EPHA6: variants seen among roughly 807,000 people sequenced by gnomAD.
The protein encoded by EPHA6 is ephrin type-A receptor 6.
A neutral mutation model predicts 112.0 loss-of-function variants in EPHA6; 50 were observed. That is an observed-to-expected ratio of 0.45 (90% CI 0.36 to 0.56). EPHA6 has a LOEUF of 0.56. Ranked by LOEUF, EPHA6 falls within the 20% of genes least tolerant of loss-of-function variation. The pLI, the probability that EPHA6 is intolerant of heterozygous loss-of-function variation, is 0.00. For synonymous variants in EPHA6, 529 were observed against 490.7 expected (o/e 1.08, Z -1.03); for missense variants, 1,280 against 1,417.4 (o/e 0.90, Z 1.56).
intron 4 of EPHA6, among the ~76,000 whole-genome samples, chr3:97,243,114 A>T (rs949370791): frequency 2.0e-5 from 3 of 151,856 alleles, no homozygotes; most frequent in Non-Finnish European, 4.4e-5. Context: ...ACACGGTGTG[A>T]TCTTTGTGGA....
chr3:97,151,629 G>A (rs113677369), intron 3 of EPHA6, among the ~76,000 whole-genome samples: 1,984 of 151,830 alleles, frequency 0.013, 27 homozygotes, highest in African/African-American at 0.045. Context: ...TTAATAACTA[G>A]GTAAAGAATA....
At chr3:97,604,330 T>C (rs1169798503) in intron 12 of EPHA6, among the ~76,000 whole-genome samples, 1 of 151,584 alleles carries the variant, frequency 6.6e-6, no homozygotes, top group Non-Finnish European at 1.5e-5. Flanking sequence ...AAATATAGAG[T>C]AACCAATCAT....
At chr3:97,105,465 G>A (rs1284057202) in intron 3 of EPHA6, among the ~76,000 whole-genome samples, 1 of 152,070 alleles carries the variant, frequency 6.6e-6, no homozygotes, top group African/African-American at 2.4e-5. Context: ...ATGGTTTTGA[G>A]CAATTGTTTA....
At chr3:96,932,330 T>C (rs958015395) in intron 2 of EPHA6, among the ~76,000 whole-genome samples, 1 of 152,208 alleles carries the variant, frequency 6.6e-6, no homozygotes, top group African/African-American at 2.4e-5. Context: ...TCATTCAACT[T>C]TTTATCCTTT....
At chr3:97,614,787 C>T (rs1186391234) in intron 13 of EPHA6, among the ~76,000 whole-genome samples, 1 of 152,000 alleles carries the variant, frequency 6.6e-6, no homozygotes, top group Non-Finnish European at 1.5e-5. Flanking sequence ...TCAAAATATG[C>T]TCAGGGAAAG....
At chr3:96,825,776 C>T (rs1054150975) in intron 1 of EPHA6, among the ~76,000 whole-genome samples, 2 of 151,788 alleles carry the variant, frequency 1.3e-5, no homozygotes, top group African/African-American at 4.8e-5. Flanking sequence ...TGTCAAAAGG[C>T]AGTGAAAACT....
At chr3:96,843,580 T>C (rs953371385) in intron 1 of EPHA6, among the ~76,000 whole-genome samples, 5 of 151,964 alleles carry the variant, frequency 3.3e-5, no homozygotes, top group African/African-American at 9.7e-5. Flanking sequence ...AGTAATGAAG[T>C]TGGATGTGAG....
chr3:97,422,146 A>G (rs1577339606), intron 6 of EPHA6, among the ~76,000 whole-genome samples: 1 of 148,762 alleles, frequency 6.7e-6, no homozygotes. Context: ...TCAAAAAAAA[A>G]AAAAAAAAAA....
intron 14 of EPHA6, among the ~76,000 whole-genome samples, chr3:97,698,217 G>T (rs1033424285): frequency 6.6e-6 from 1 of 152,112 alleles, no homozygotes; most frequent in Non-Finnish European, 1.5e-5. Flanking sequence ...GGTCAGGCTG[G>T]TCTGGAACTC....
At chr3:97,686,377 C>T (rs1184441147) in intron 14 of EPHA6, among the ~76,000 whole-genome samples, 3 of 151,918 alleles carry the variant, frequency 2.0e-5, no homozygotes, top group Non-Finnish European at 4.4e-5. Flanking sequence ...TATTGCATTC[C>T]TGGTAGATGG....
At chr3:97,365,354 A>G (rs2084655211) in intron 5 of EPHA6, among the ~76,000 whole-genome samples, 1 of 152,100 alleles carries the variant, frequency 6.6e-6, no homozygotes. Flanking sequence ...AGACATCATT[A>G]GCAAAATGTT....
At chr3:97,338,988 A>G (rs994970683) in intron 5 of EPHA6, among the ~76,000 whole-genome samples, 1 of 152,180 alleles carries the variant, frequency 6.6e-6, no homozygotes, top group Non-Finnish European at 1.5e-5. Flanking sequence ...GCTCATTCCA[A>G]GTAGTTGGAA....
intron 2 of EPHA6, among the ~76,000 whole-genome samples, chr3:96,869,581 G>A (rs2036520393): frequency 1.3e-5 from 2 of 151,986 alleles, no homozygotes; most frequent in African/African-American, 4.8e-5. Flanking sequence ...AATAGGACCT[G>A]TAATCATAGG....
At chr3:97,075,705 A>AT (rs58181240) in intron 3 of EPHA6, among the ~76,000 whole-genome samples, 498 of 143,952 alleles carry the variant, frequency 3.5e-3, no homozygotes, top group African/African-American at 6.0e-3. Context: ...CGGATACTGC[A>AT]TTTTTTTTTT....
chr3:97,215,661 A>G (rs2078014461), intron 3 of EPHA6, among the ~76,000 whole-genome samples: 1 of 151,970 alleles, frequency 6.6e-6, no homozygotes, highest in African/African-American at 2.4e-5. Context: ...CTGTATCCAT[A>G]TTTAGTTTGC....
intron 5 of EPHA6, among the ~76,000 whole-genome samples, chr3:97,394,841 T>C (rs2086610893): frequency 6.6e-6 from 1 of 151,770 alleles, no homozygotes; most frequent in Non-Finnish European, 1.5e-5. Context: ...TGTAAATTAG[T>C]ACAGCCATTA....
At chr3:97,223,094 AT>A (rs1243221286) in intron 3 of EPHA6, among the ~76,000 whole-genome samples, 10 of 152,238 alleles carry the variant, frequency 6.6e-5, no homozygotes, top group Non-Finnish European at 1.5e-4. Context: ...AACCATAGAA[AT>A]TAAAGGAGAT....
intron 14 of EPHA6, among the ~76,000 whole-genome samples, chr3:97,704,583 T>A (rs914769631): frequency 1.3e-5 from 2 of 152,308 alleles, no homozygotes; most frequent in African/African-American, 4.8e-5. Context: ...TCTGTCCATA[T>A]CCTATTGGTT....
intron 7 of EPHA6, among the ~76,000 whole-genome samples, chr3:97,475,038 G>A (rs1206048454): frequency 6.6e-6 from 1 of 152,040 alleles, no homozygotes; most frequent in Non-Finnish European, 1.5e-5. Flanking sequence ...CAATTCTTTA[G>A]CCTATCTGCT....
Sources: allele counts gnomAD v4.1 joint callset (sites outside exome capture counted in the v4.1 genomes callset), GRCh38; gene constraint gnomAD v4.1.1; transcripts MANE v1.5; gene names NCBI Gene and HGNC (gene_info 2026-07-23, HGNC 2026-07-21).